The following PDE1C variants were observed in gnomAD, a reference collection of about 807,000 sequenced individuals.
PDE1C encodes the protein phosphodiesterase 1C, also known as dual specificity calcium/calmodulin-dependent 3',5'-cyclic nucleotide phosphodiesterase 1C.
PDE1C carries 62 observed loss-of-function variants against 93.1 expected under a neutral mutation model. The observed-to-expected ratio is 0.67, with a 90% CI of 0.54 to 0.82. The LOEUF (loss-of-function observed/expected upper bound fraction) is 0.82. PDE1C is among the 40% of genes least tolerant of loss of function. The pLI is 0.00. For synonymous variants in PDE1C, 325 were observed against 310.1 expected (o/e 1.05, Z -0.50); for missense variants, 742 against 884.6 (o/e 0.84, Z 2.04).
At position 31,869,497 on chromosome 7, in the gene PDE1C, T is replaced by C. The variant is rs1476616302; in HGVS notation, c.609+3795A>G. Among the ~76,000 whole-genome samples the C allele has an allele frequency of 2.0e-5, 3 of 151,936 alleles. No individual in the cohort carries two copies. The East Asian group carries it at 5.8e-4, about 29-fold the overall frequency. The stretch of plus-strand genomic sequence containing the variant: ...TACTTATATCAGATAAAACAGACTT[T>C]AAGTCAAAAATGGTAAAAAGAGACA... On this transcript the variant is annotated intron_variant, in intron 6 of 17. Coordinates refer to ENST00000396191, the MANE Select transcript of PDE1C (RefSeq NM_001191057.4).
intron 2 of PDE1C, among the ~76,000 whole-genome samples, chr7:31,933,620 T>C (rs1162374399): frequency 6.6e-6 from 1 of 152,178 alleles, no homozygotes; most frequent in Non-Finnish European, 1.5e-5. Flanking sequence ...ATTGTAATCC[T>C]CAGTATTGGA....
At chr7:31,723,929 T>A in the PDE1C span, among the ~76,000 whole-genome samples, 2 of 147,560 alleles carry the variant, frequency 1.4e-5, no homozygotes, top group South Asian at 2.2e-4. Context: ...CATTTCTTAC[T>A]GCCTTTGCAT....
chr7:31,862,720 G>A (rs10246457), intron 7 of PDE1C, among the ~76,000 whole-genome samples: 148,712 of 152,318 alleles, frequency 0.98, 72,700 homozygotes, highest in East Asian at 1. Flanking sequence ...TAGGATTTCA[G>A]CAGAGGAATT....
chr7:32,066,357 TTAATAA>T (rs1795403914), intron 1 of PDE1C, among the ~76,000 whole-genome samples: 1 of 152,222 alleles, frequency 6.6e-6, no homozygotes, highest in African/African-American at 2.4e-5. Context: ...TGCCTTTATA[TTAATAA>T]TGTTACTTTA....
intron 2 of PDE1C, among the ~76,000 whole-genome samples, chr7:31,895,130 A>T (rs1799115860): frequency 6.6e-6 from 1 of 152,124 alleles, no homozygotes; most frequent in East Asian, 1.9e-4. Flanking sequence ...CCTAGGCAGG[A>T]AGGAGGAAGA....
chr7:32,322,620 CTTT>C (rs60692243), intron 1 of PDE1C, among the ~76,000 whole-genome samples: 27 of 135,608 alleles, frequency 2.0e-4, no homozygotes, highest in Admixed American at 5.2e-4. Context: ...TTTCTTTTTT[CTTT>C]TTTTTTTTTT....
intron 3 of PDE1C, among the ~76,000 whole-genome samples, chr7:32,129,601 A>C (rs1164309156): frequency 3.9e-5 from 6 of 152,068 alleles, no homozygotes; most frequent in Non-Finnish European, 8.8e-5. Flanking sequence ...TATCAAAAGA[A>C]GAAAAGTTCA....
intron 3 of PDE1C, among the ~76,000 whole-genome samples, chr7:32,143,317 G>A (rs777650732): frequency 1.0e-4 from 15 of 150,548 alleles, no homozygotes; most frequent in South Asian, 2.1e-4. Flanking sequence ...TCCCACATAC[G>A]AGATGACTGG....
chr7:32,297,520 A>T (rs1187739562), intron 1 of PDE1C, among the ~76,000 whole-genome samples: 1 of 152,078 alleles, frequency 6.6e-6, no homozygotes, highest in Non-Finnish European at 1.5e-5. Flanking sequence ...CTCACCTCCA[A>T]GGAAGATGTG....
intron 2 of PDE1C, among the ~76,000 whole-genome samples, chr7:32,003,656 C>A (rs1304452637): frequency 6.6e-6 from 1 of 152,184 alleles, no homozygotes; most frequent in East Asian, 1.9e-4. Flanking sequence ...CTATGGTAGT[C>A]ATTCAATCCA....
the PDE1C span, among the ~76,000 whole-genome samples, chr7:31,745,184 C>T: frequency 1.3e-3 from 202 of 152,160 alleles, no homozygotes; most frequent in African/African-American, 4.5e-3. Context: ...AATTGCCTGG[C>T]GCTCTGTGTC....
intron 3 of PDE1C, among the ~76,000 whole-genome samples, chr7:32,122,706 G>A (rs4276578): frequency 0.2 from 30,342 of 152,074 alleles, 3,712 homozygotes; most frequent in Middle Eastern, 0.31. Context: ...CTGGGACACA[G>A]CTAAAGCAGG....
Position 31,775,705 on chromosome 7 carries a change from G to A in PDE1C, c.1919C>T (p.Pro640Leu), listed in dbSNP as rs777587688. The A allele has an allele frequency of 2.7e-5, 43 of 1,612,704 alleles. No individual in the cohort carries two copies. In the South Asian group the frequency reaches 4.6e-4, roughly 17 times the overall value. ...DGTKQRSHGS[P>L]APSTSSTCRL... ...ACACGTGGAGCTGGTGCTTGGGGCTGGTGAGCCGTGAGAACGCTGTTTTGT... is the reference window on the plus strand; with the variant it reads ...ACACGTGGAGCTGGTGCTTGGGGCTAGTGAGCCGTGAGAACGCTGTTTTGT... The change falls in exon 17 of 18, where the codon CCA (proline) becomes CTA (leucine). Residue 640 changes from proline (P) to leucine (L), a missense_variant. By Grantham distance (98) the Pro-to-Leu change is moderately conservative. Transcript: ENST00000396191.
intron 1 of PDE1C, among the ~76,000 whole-genome samples, chr7:32,275,223 A>G (rs1326449174): frequency 6.6e-6 from 1 of 152,210 alleles, no homozygotes; most frequent in Non-Finnish European, 1.5e-5. Flanking sequence ...TTCTACTGCT[A>G]GCAAAGAAAC....
chr7:32,407,866 C>G (rs1438337451), intron 1 of PDE1C, among the ~76,000 whole-genome samples: 1 of 152,146 alleles, frequency 6.6e-6, no homozygotes, highest in Non-Finnish European at 1.5e-5. Context: ...TTCTGTTGTA[C>G]AGTATCCCAG....
chr7:31,825,756 A>G (rs1316436107), intron 12 of PDE1C, among the ~76,000 whole-genome samples: 1 of 152,108 alleles, frequency 6.6e-6, no homozygotes, highest in African/African-American at 2.4e-5. Flanking sequence ...AGGCACAGAT[A>G]CCTGCACAGC....
intron 2 of PDE1C, among the ~76,000 whole-genome samples, chr7:32,009,377 G>C (rs931125470): frequency 6.6e-6 from 1 of 152,192 alleles, no homozygotes; most frequent in African/African-American, 2.4e-5. Flanking sequence ...GCTACATAAA[G>C]AGAGCTAAAT....
At chr7:31,901,505 C>T (rs1398483216) in intron 2 of PDE1C, among the ~76,000 whole-genome samples, 1 of 151,054 alleles carries the variant, frequency 6.6e-6, no homozygotes, top group Non-Finnish European at 1.5e-5. Context: ...AAAGTGAGAT[C>T]CACATCATAT....
Position 31,824,862 on chromosome 7 carries a change from C to A in PDE1C, c.1406+5G>T. 3.1e-6 allele frequency: 5 copies of A among 1,612,652 alleles called. No individual in the cohort carries two copies. The highest frequency in any genetic ancestry group is 1.1e-5 in the South Asian group (1 of 91,000). ...CACCCTCAGCCCTCAAGCTTCCCCACTGACCTCGAACGCCTCTGTCCTGTC... is the reference window on the plus strand; with the variant it reads ...CACCCTCAGCCCTCAAGCTTCCCCAATGACCTCGAACGCCTCTGTCCTGTC... On this transcript the variant is annotated splice_donor_5th_base_variant and intron_variant, in intron 13 of 17. Transcript: ENST00000396191.
Sources: allele counts gnomAD v4.1 joint callset (sites outside exome capture counted in the v4.1 genomes callset), GRCh38; gene constraint gnomAD v4.1.1; transcripts MANE v1.5; gene names NCBI Gene and HGNC (gene_info 2026-07-23, HGNC 2026-07-21).